The following CCDC62 variants were observed in gnomAD, a reference collection of about 807,000 sequenced individuals.
CCDC62 encodes the protein coiled-coil domain-containing protein 62.
In CCDC62, 72 loss-of-function variants were observed where a neutral mutation model predicts 80.8. The ratio of observed to expected loss-of-function variants is 0.89; its 90% confidence interval spans 0.74 to 1.08. CCDC62 has a LOEUF of 1.08. Among genes scored for constraint, CCDC62 ranks in the 50% least tolerant of loss-of-function variants. The probability of loss-of-function intolerance (pLI) is 0.00; values close to 1 mark genes in which losing one functional copy is unlikely to be tolerated. For missense variants in CCDC62, 704 were observed against 809.4 expected (o/e 0.87, Z 1.58); for synonymous variants, 286 against 296.5 (o/e 0.96, Z 0.36).
intron 10 of CCDC62, among the ~76,000 whole-genome samples, chr12:122,810,327 AAAAC>A (rs1326133738): frequency 7.2e-5 from 11 of 152,224 alleles, no homozygotes; most frequent in East Asian, 1.9e-4. Flanking sequence ...TTACAAGAAA[AAAAC>A]AAACAACCCC....
intron 11 of CCDC62, among the ~76,000 whole-genome samples, chr12:122,822,991 C>T (rs181406929): frequency 2.4e-4 from 37 of 151,962 alleles, no homozygotes; most frequent in African/African-American, 8.7e-4. Context: ...GACAGGGTCT[C>T]ACTCTGTCGC....
intron 5 of CCDC62, among the ~76,000 whole-genome samples, chr12:122,791,435 G>A (rs943114742): frequency 2.0e-5 from 3 of 151,100 alleles, no homozygotes; most frequent in Non-Finnish European, 2.9e-5. Flanking sequence ...CACTGCACTT[G>A]GCCTTTATTT....
rs2135576735 is a variant in CCDC62 at position 122,811,311 on chromosome 12, A to C, written c.1852-1959A>C. ...ACCGCAACCTCCGCCTCCCAGGTTC[A>C]AGCGATTCTCCTGCCTCAGCCTCCC... On this transcript the variant is annotated intron_variant, in intron 10 of 12. Coordinates refer to ENST00000253079, the MANE Select transcript of CCDC62 (RefSeq NM_201435.5). Among the ~76,000 whole-genome samples the C allele has an allele frequency of 1.4e-5, 2 of 144,168 alleles. 1 individual carries two copies. 94.6% of individuals were successfully genotyped at this position (144,168 alleles called of 152,430 possible). A position where few individuals can be genotyped will look rare whatever the true frequency, so the allele number is the denominator to read the frequency against.
At chr12:122,812,821 A>AAGAAAG (rs1213959431) in intron 10 of CCDC62, among the ~76,000 whole-genome samples, 1 of 149,184 alleles carries the variant, frequency 6.7e-6, no homozygotes, top group Non-Finnish European at 1.5e-5. Context: ...GAAAGAAAGA[A>AAGAAAG]AGAAAGAAAA....
At position 122,797,396 on chromosome 12, in the gene CCDC62, G is replaced by T; in HGVS notation, c.861+1G>T. The T allele has an allele frequency of 6.5e-7, 1 of 1,539,286 alleles. No homozygotes were observed. Among genetic ancestry groups the T allele is most frequent in the South Asian group, 1.1e-5 (1 of 89,316 alleles). ...TTCAGAACTGCACAATCTGAGACAG[G>T]TATGTCCCCAATCATCCTTCTCTGT... On this transcript the variant is annotated splice_donor_variant, in intron 7 of 12. Coordinates refer to ENST00000253079, the MANE Select transcript of CCDC62 (RefSeq NM_201435.5). LOFTEE classifies it high-confidence loss of function.
chr12:122,781,451 C>T lies in CCDC62; in HGVS notation c.396+121C>T, dbSNP rs531089408. On this transcript the variant is annotated intron_variant, in intron 3 of 12. Coordinates refer to ENST00000253079, the MANE Select transcript of CCDC62 (RefSeq NM_201435.5). The stretch of plus-strand genomic sequence containing the variant: ...CTGTAATGCCAACACTTTGGGAGGC[C>T]GAGGCAGGTGGATCACCTGAGGTCA... The T allele has an allele frequency of 5.6e-5, 49 of 876,396 alleles. No individual in the cohort carries two copies. In the Admixed American group the frequency reaches 7.5e-4, roughly 13 times the overall value. The allele number at this position is 876,396 out of a possible 1,614,324, so 54.3% of individuals were successfully genotyped here.
At chr12:122,788,554 C>T (rs922173520) in intron 4 of CCDC62, among the ~76,000 whole-genome samples, 7 of 152,188 alleles carry the variant, frequency 4.6e-5, no homozygotes, top group African/African-American at 7.2e-5. Context: ...GGGCAAGGAA[C>T]GCAGCCTTTC....
intron 11 of CCDC62, among the ~76,000 whole-genome samples, chr12:122,821,350 A>G (rs1486731322): frequency 6.6e-6 from 1 of 152,162 alleles, no homozygotes; most frequent in Non-Finnish European, 1.5e-5. Flanking sequence ...GACAAAGGGG[A>G]CCCCACACAT....
intron 10 of CCDC62, among the ~76,000 whole-genome samples, chr12:122,807,402 G>C (rs2031665116): frequency 6.6e-6 from 1 of 151,452 alleles, no homozygotes; most frequent in East Asian, 1.9e-4. Flanking sequence ...GTAGTGGCGG[G>C]TGCCTGTAAT....
At chr12:122,822,776 G>A (rs2032467206) in intron 11 of CCDC62, among the ~76,000 whole-genome samples, 1 of 151,592 alleles carries the variant, frequency 6.6e-6, no homozygotes, top group Non-Finnish European at 1.5e-5. Flanking sequence ...TGTCCTCCAG[G>A]TTCATCCACG....
rs1211663868 is a variant in CCDC62, at chr12:122,805,367, C to T, written c.1707-784C>T. Among the ~76,000 whole-genome samples, 13 of 119,540 alleles carry T rather than the reference C, an allele frequency of 1.1e-4. No homozygotes were observed. The Admixed American group carries it at 1.3e-3, about 12-fold the overall frequency. The allele number at this position is 119,540 out of a possible 152,430, so 78.4% of individuals were successfully genotyped here. A position where few individuals can be genotyped will look rare whatever the true frequency, so the allele number is the denominator to read the frequency against. The stretch of plus-strand genomic sequence containing the variant: ...TCTTTTTTTTTTTTTTTTTTTGAGA[C>T]AGAGTGTCTCTCTGTCACCAGGCTG... On this transcript the variant is annotated intron_variant, in intron 9 of 12. Transcript: ENST00000253079.
rs71085856 is a variant in CCDC62 at position 122,812,647 on chromosome 12, G to GGCAGGAGAATGGCGTGATCCCT, written c.1852-622_1852-621insCAGGAGAATGGCGTGATCCCTG. Among the ~76,000 whole-genome samples, 2 of 24,456 alleles carry GGCAGGAGAATGGCGTGATCCCT rather than the reference G, an allele frequency of 8.2e-5. 1 individual carries two copies. Among genetic ancestry groups the GGCAGGAGAATGGCGTGATCCCT allele is most frequent in the Non-Finnish European group, 2.4e-4 (2 of 8,472 alleles). The allele number at this position is 24,456 out of a possible 152,430, so 16.0% of individuals were successfully genotyped here. On this transcript the variant is annotated intron_variant, in intron 10 of 12. Coordinates refer to ENST00000253079, the MANE Select transcript of CCDC62 (RefSeq NM_201435.5). ...TAGTCCCAGCTACTTGGGAGGCTGA[G>GGCAGGAGAATGGCGTGATCCCT]GTGGGTGGAGCTTGAAGTGAGCCGA... is the stretch of plus-strand genomic sequence containing the variant.
intron 4 of CCDC62, among the ~76,000 whole-genome samples, chr12:122,787,895 G>A (rs2030366959): frequency 6.6e-6 from 1 of 152,192 alleles, no homozygotes. Flanking sequence ...GGGATTGACT[G>A]TCGTGGGTGT....
intron 10 of CCDC62, among the ~76,000 whole-genome samples, chr12:122,808,854 A>G (rs1287779448): frequency 6.6e-6 from 1 of 152,222 alleles, no homozygotes; most frequent in Non-Finnish European, 1.5e-5. Flanking sequence ...TATACCAGTT[A>G]CATTCCCACC....
intron 5 of CCDC62, among the ~76,000 whole-genome samples, chr12:122,791,669 G>A (rs565039229): frequency 1.2e-4 from 18 of 152,252 alleles, no homozygotes; most frequent in South Asian, 8.3e-4. Context: ...GGCTGGTCTC[G>A]AACTCCTGGC....
intron 11 of CCDC62, 79 bp downstream of exon 11, chr12:122,813,498 C>T: frequency 7.3e-7 from 1 of 1,363,980 alleles, no homozygotes; most frequent in Non-Finnish European, 9.9e-7. Flanking sequence ...ATATCACCGG[C>T]AGGGCGGCCT....
At position 122,801,451 on chromosome 12, in the gene CCDC62, A is replaced by G. The variant is rs1258457521; in HGVS notation, c.1305A>G (p.Pro435=). The change falls in exon 9 of 13, where the codon CCA becomes CCG. Residue 435 remains proline, a synonymous_variant. Transcript: ENST00000253079. ...TGTGCAAGATCCACACAAAATCACC[A>G]AAATGTCATGGCACTGGGGTTCAGA... The part of the protein sequence containing the change: ...ITLCKIHTKS[P]KCHGTGVQNE... The G allele has an allele frequency of 1.8e-5, 29 of 1,614,026 alleles. No individual in the cohort carries two copies. The highest frequency in any genetic ancestry group is 2.4e-5 in the Non-Finnish European group (28 of 1,180,028).
intron 2 of CCDC62, among the ~76,000 whole-genome samples, 190 bp from the exon 3 acceptor site, chr12:122,780,974 G>A (rs1466070266): frequency 1.3e-5 from 2 of 152,132 alleles, no homozygotes; most frequent in African/African-American, 4.8e-5. Flanking sequence ...GACCTCCAGA[G>A]GCTTCCAATT....
intron 10 of CCDC62, 51 bp from the exon 11 acceptor site, chr12:122,813,219 A>G: frequency 6.6e-7 from 1 of 1,523,730 alleles, no homozygotes; most frequent in Non-Finnish European, 8.9e-7. Context: ...GGTAGTTAGC[A>G]TTTGTGTTTG....
Sources: allele counts gnomAD v4.1 joint callset (sites outside exome capture counted in the v4.1 genomes callset), GRCh38; gene constraint gnomAD v4.1.1; transcripts MANE v1.5; gene names NCBI Gene and HGNC (gene_info 2026-07-23, HGNC 2026-07-21).